SLC39A11: variants seen among roughly 807,000 people sequenced by gnomAD.
The protein encoded by SLC39A11 is zinc transporter ZIP11.
In SLC39A11, 33 loss-of-function variants were observed where a neutral mutation model predicts 36.1. The ratio of observed to expected loss-of-function variants is 0.91; its 90% CI spans 0.69 to 1.22. SLC39A11 has a LOEUF of 1.22. Among genes scored for constraint, SLC39A11 ranks in the 50% most tolerant of loss-of-function variants. SLC39A11 has a pLI of 0.00. For synonymous variants in SLC39A11, 166 were observed against 170.3 expected (o/e 0.97, Z 0.20); for missense variants, 432 against 430.3 (o/e 1.00, Z -0.03).
At chr17:72,906,675 T>C (rs1239766457) in intron 5 of SLC39A11, among the ~76,000 whole-genome samples, 2 of 152,220 alleles carry the variant, frequency 1.3e-5, no homozygotes, top group African/African-American at 4.8e-5. Flanking sequence ...AGGGCTTTAA[T>C]GGACAAATCA....
chr17:72,882,164 C>A (rs747774752), intron 5 of SLC39A11, among the ~76,000 whole-genome samples: 1 of 152,096 alleles, frequency 6.6e-6, no homozygotes, highest in Non-Finnish European at 1.5e-5. Flanking sequence ...ACCAGCCTGG[C>A]CAACATGTCG....
chr17:72,709,192 C>A (rs2143261524), intron 7 of SLC39A11, among the ~76,000 whole-genome samples: 1 of 152,350 alleles, frequency 6.6e-6, no homozygotes, highest in East Asian at 1.9e-4. Flanking sequence ...TCTACCTCGG[C>A]CTCCCAAAGT....
chr17:72,949,675 AG>A (rs1598548369), intron 4 of SLC39A11, among the ~76,000 whole-genome samples: 2 of 151,786 alleles, frequency 1.3e-5, no homozygotes, highest in Non-Finnish European at 2.9e-5. Context: ...GATCACCCAA[AG>A]GTCCCACCTC....
At position 72,711,074 on chromosome 17, in the gene SLC39A11, C is replaced by T. The variant is rs111648108; in HGVS notation, c.671+25576G>A. Among the ~76,000 whole-genome samples, 108 of 152,314 alleles carry T rather than the reference C, an allele frequency of 7.1e-4. 1 individual carries two copies. The highest frequency in any genetic ancestry group is 2.3e-3 in the African/African-American group (96 of 41,564). ...AAGGCCTCTGATGATGTGGGTCCTG[C>T]CTACCTTTGCAGCCTCTCCCTTTCC... On this transcript the variant is annotated intron_variant, in intron 7 of 9. Coordinates refer to ENST00000255559, the MANE Select transcript of SLC39A11 (RefSeq NM_139177.4).
chr17:72,854,503 T>C (rs953399713), intron 5 of SLC39A11, among the ~76,000 whole-genome samples: 1 of 152,136 alleles, frequency 6.6e-6, no homozygotes, highest in Non-Finnish European at 1.5e-5. Flanking sequence ...AAACATTTCA[T>C]GATAGTAGTA....
intron 5 of SLC39A11, among the ~76,000 whole-genome samples, chr17:72,901,489 A>T (rs1032833388): frequency 1.3e-5 from 2 of 152,172 alleles, no homozygotes; most frequent in Non-Finnish European, 2.9e-5. Context: ...GGTACGGTAC[A>T]GATGAAAACA....
intron 4 of SLC39A11, among the ~76,000 whole-genome samples, chr17:72,987,475 G>A (rs907946856): frequency 3.3e-5 from 5 of 152,162 alleles, no homozygotes; most frequent in African/African-American, 9.7e-5. Flanking sequence ...ACAGAAATAA[G>A]ATGGAATGAA....
intron 3 of SLC39A11, among the ~76,000 whole-genome samples, chr17:73,070,178 C>T (rs553881786): frequency 1.3e-5 from 2 of 152,298 alleles, no homozygotes; most frequent in South Asian, 2.1e-4. Flanking sequence ...AGCCAAGGAG[C>T]CAGGCCCAGA....
At chr17:72,809,775 T>G (rs7342911) in intron 6 of SLC39A11, among the ~76,000 whole-genome samples, 1 of 152,130 alleles carries the variant, frequency 6.6e-6, no homozygotes, top group Non-Finnish European at 1.5e-5. Flanking sequence ...GTTTGTTTAA[T>G]TGAAAACGAA....
chr17:72,920,299 G>GA (rs2083581017), intron 5 of SLC39A11, among the ~76,000 whole-genome samples: 1 of 150,136 alleles, frequency 6.7e-6, no homozygotes, highest in Non-Finnish European at 1.5e-5. Flanking sequence ...ATCTTACTAG[G>GA]ACTTCTGAAG....
chr17:72,907,248 G>A (rs553179684), intron 5 of SLC39A11, among the ~76,000 whole-genome samples: 2 of 152,332 alleles, frequency 1.3e-5, no homozygotes, highest in South Asian at 2.1e-4. Flanking sequence ...CCTGCACTTC[G>A]GGAGGCCGAG....
chr17:73,068,475 T>C (rs1599127304), intron 3 of SLC39A11, among the ~76,000 whole-genome samples: 1 of 152,132 alleles, frequency 6.6e-6, no homozygotes, highest in East Asian at 1.9e-4. Flanking sequence ...CACATGCAGA[T>C]TCCAAAGTAC....
chr17:72,738,777 C>T (rs887121133), intron 6 of SLC39A11, among the ~76,000 whole-genome samples: 1 of 152,216 alleles, frequency 6.6e-6, no homozygotes, highest in Non-Finnish European at 1.5e-5. Context: ...TAAAAATCGA[C>T]TGAATGAGAG....
In SLC39A11 at chr17:73,088,733, GC is replaced by G; in HGVS notation, c.31del (p.Ala11ProfsTer11). On this transcript the variant is annotated frameshift_variant, in exon 2 of 10. Coordinates refer to ENST00000255559, the MANE Select transcript of SLC39A11 (RefSeq NM_139177.4). LOFTEE classifies it high-confidence loss of function. ...CCAGGTGAAGAAGGTCCCCAGCAAGGCCTGGAACACAGAGCTGTGGCCTTGG... is the reference window on the plus strand; with the variant it reads ...CCAGGTGAAGAAGGTCCCCAGCAAGGCTGGAACACAGAGCTGTGGCCTTGG... MLQGHSSVFQ[A>X]LLGTFFTWGM... The G allele has an allele frequency of 6.2e-7, 1 of 1,611,010 alleles. No individual in the cohort carries two copies. Among genetic ancestry groups the G allele is most frequent in the Non-Finnish European group, 8.5e-7 (1 of 1,178,626 alleles).
chr17:72,797,240 T>C (rs2076926596), intron 6 of SLC39A11, among the ~76,000 whole-genome samples: 1 of 152,074 alleles, frequency 6.6e-6, no homozygotes, highest in Admixed American at 6.5e-5. Flanking sequence ...GTGTTAATAA[T>C]AATAAATAAT....
chr17:72,998,513 GCTTTTGATCCCTGAC>G (rs2089642658), intron 4 of SLC39A11, among the ~76,000 whole-genome samples: 1 of 152,174 alleles, frequency 6.6e-6, no homozygotes, highest in Non-Finnish European at 1.5e-5. Context: ...TAATTACAGG[GCTTTTGATCCCTGAC>G]ACAAGCAAAA....
intron 5 of SLC39A11, among the ~76,000 whole-genome samples, chr17:72,942,261 G>T (rs188434584): frequency 2.4e-4 from 36 of 152,030 alleles, no homozygotes; most frequent in South Asian, 6.2e-4. Flanking sequence ...CTATTTTTCA[G>T]TTCCTAGATA....
chr17:72,900,193 GA>G (rs1567912885), intron 5 of SLC39A11, among the ~76,000 whole-genome samples: 2 of 146,044 alleles, frequency 1.4e-5, no homozygotes, highest in Admixed American at 6.8e-5. Context: ...AAGAAAGAAA[GA>G]AAGAAAGAAA....
intron 4 of SLC39A11, among the ~76,000 whole-genome samples, chr17:72,948,417 G>A (rs1186962203): frequency 2.7e-5 from 4 of 146,414 alleles, no homozygotes; most frequent in East Asian, 4.2e-4. Flanking sequence ...CATCACTGCC[G>A]GGCAAATGAG....
Sources: gnomAD v4.1 joint callset for allele counts (sites outside exome capture counted in the v4.1 genomes callset) on GRCh38, gnomAD v4.1.1 for gene constraint, MANE v1.5 for transcripts, NCBI Gene and HGNC (gene_info 2026-07-23, HGNC 2026-07-21) for gene names.